The following CSMD3 variants were observed in gnomAD, a reference collection of about 807,000 sequenced individuals.
CSMD3 encodes CUB and sushi domain-containing protein 3.
A neutral mutation model predicts 435.2 loss-of-function variants in CSMD3; 177 were observed. The observed-to-expected ratio is 0.41, with a 90% confidence interval of 0.36 to 0.46. The LOEUF (loss-of-function observed/expected upper bound fraction) is 0.46, where lower values mean the gene tolerates loss of function less well. Among genes scored for constraint, CSMD3 ranks in the 20% least tolerant of loss-of-function variants. The pLI is 0.34. For synonymous variants in CSMD3, 1,656 were observed against 1,520.5 expected (o/e 1.09, Z -2.07); for missense variants, 4,265 against 4,504.6 (o/e 0.95, Z 1.52).
chr8:113,392,399 C>A (rs1252477753), intron 1 of CSMD3, among the ~76,000 whole-genome samples: 1 of 152,056 alleles, frequency 6.6e-6, no homozygotes, highest in African/African-American at 2.4e-5. Flanking sequence ...GATTCAGACA[C>A]AATTTAGCCT....
intron 16 of CSMD3, among the ~76,000 whole-genome samples, chr8:112,667,974 T>G (rs916231742): frequency 1.3e-5 from 2 of 152,190 alleles, no homozygotes; most frequent in African/African-American, 4.8e-5. Flanking sequence ...AATAACTTGA[T>G]GGAACCCAAA....
chr8:113,236,769 T>C (rs1432167767), intron 3 of CSMD3, among the ~76,000 whole-genome samples: 2 of 152,156 alleles, frequency 1.3e-5, no homozygotes, highest in African/African-American at 2.4e-5. Flanking sequence ...CCCTCTATAA[T>C]AGTGTGAGCC....
At chr8:112,668,908 G>C (rs1401480778) in intron 16 of CSMD3, among the ~76,000 whole-genome samples, 1 of 151,154 alleles carries the variant, frequency 6.6e-6, no homozygotes, top group African/African-American at 2.4e-5. Context: ...TAACATGCAG[G>C]AGAAAGGAGA....
chr8:113,311,527 G>T (rs529145267), intron 2 of CSMD3: 28 of 152,114 alleles, frequency 1.8e-4, no homozygotes, highest in African/African-American at 6.5e-4. Flanking sequence ...CTGGAAGAAA[G>T]AGAACAGCAA....
At chr8:113,279,273 A>C (rs2093595005) in intron 2 of CSMD3, among the ~76,000 whole-genome samples, 2 of 149,184 alleles carry the variant, frequency 1.3e-5, no homozygotes, top group Admixed American at 1.4e-4. Flanking sequence ...CAACTAGATC[A>C]AGTTCACAGA....
At chr8:113,001,773 A>G (rs971673015) in intron 6 of CSMD3, among the ~76,000 whole-genome samples, 2 of 152,192 alleles carry the variant, frequency 1.3e-5, no homozygotes, top group African/African-American at 4.8e-5. Flanking sequence ...TAATAAAATG[A>G]TGTTATTCGA....
intron 63 of CSMD3, among the ~76,000 whole-genome samples, chr8:112,250,908 T>C (rs1325386743): frequency 6.6e-6 from 1 of 151,842 alleles, no homozygotes; most frequent in African/African-American, 2.4e-5. Context: ...ACATCACTTA[T>C]GTTCTTTAAC....
chr8:112,787,158 A>C (rs2078565861), intron 13 of CSMD3, among the ~76,000 whole-genome samples: 1 of 152,120 alleles, frequency 6.6e-6, no homozygotes, highest in South Asian at 2.1e-4. Flanking sequence ...GTTGGTTCCA[A>C]GTCTTTGCTA....
intron 12 of CSMD3, among the ~76,000 whole-genome samples, chr8:112,822,695 G>C (rs903816672): frequency 1.3e-5 from 2 of 152,056 alleles, no homozygotes; most frequent in African/African-American, 4.8e-5. Flanking sequence ...CGGTGAGAGA[G>C]GGCATCCTTG....
chr8:112,409,010 A>G lies in CSMD3; in HGVS notation c.5418T>C (p.Phe1806=). 1 of 1,613,584 alleles carries G rather than the reference A, an allele frequency of 6.2e-7. No individual in the cohort carries two copies. The highest frequency in any genetic ancestry group is 1.1e-5 in the South Asian group (1 of 91,062). Reference sequence around the variant, plus strand: ...CAACATCGTGGAGTGATGTCTGGAAAAATACAAACTGGCCAAACACCACTG... The same window carrying G: ...CAACATCGTGGAGTGATGTCTGGAAGAATACAAACTGGCCAAACACCACTG... ...KEFVVFGQFV[F]FQTSLHDVVE... is the part of the protein sequence containing the mutation. Residue 1806 remains phenylalanine, a synonymous_variant, in exon 33 of 71, where the codon TTT becomes TTC. Transcript: ENST00000297405.
intron 70 of CSMD3, among the ~76,000 whole-genome samples, chr8:112,226,475 C>T (rs940087947): frequency 2.0e-5 from 3 of 151,996 alleles, no homozygotes; most frequent in Non-Finnish European, 4.4e-5. Flanking sequence ...TCATAAAACT[C>T]TTAGGAAAAA....
At chr8:112,930,713 A>G (rs956940683) in intron 9 of CSMD3, among the ~76,000 whole-genome samples, 11 of 152,116 alleles carry the variant, frequency 7.2e-5, no homozygotes, top group African/African-American at 2.7e-4. Context: ...TTAATGTCAT[A>G]GAAATTTGCA....
intron 4 of CSMD3, among the ~76,000 whole-genome samples, chr8:113,117,422 T>C (rs1045018594): frequency 6.6e-6 from 1 of 152,158 alleles, no homozygotes; most frequent in Non-Finnish European, 1.5e-5. Context: ...TCAGAGGGTA[T>C]ATGGCAACAC....
At chr8:112,943,256 A>AT (rs200185856) in intron 9 of CSMD3, among the ~76,000 whole-genome samples, 2,138 of 151,718 alleles carry the variant, frequency 0.014, 56 homozygotes, top group African/African-American at 0.05. Flanking sequence ...TAATTTGCAA[A>AT]TTTTTTTCCA....
chr8:112,503,318 A>G (rs1377063303), intron 30 of CSMD3, among the ~76,000 whole-genome samples: 2 of 152,192 alleles, frequency 1.3e-5, no homozygotes, highest in Non-Finnish European at 2.9e-5. Flanking sequence ...TCTGGGCTCA[A>G]GTAATCCTCC....
intron 1 of CSMD3, among the ~76,000 whole-genome samples, chr8:113,402,180 A>G (rs1436964631): frequency 6.6e-6 from 1 of 150,530 alleles, no homozygotes; most frequent in Non-Finnish European, 1.5e-5. Context: ...CTTTTATCTT[A>G]AATTTTTTAT....
chr8:113,215,481 A>C (rs1043036498), intron 3 of CSMD3, among the ~76,000 whole-genome samples: 14 of 151,626 alleles, frequency 9.2e-5, no homozygotes, highest in African/African-American at 3.1e-4. Context: ...GTGCCTTCAA[A>C]TTAATTGTAG....
At chr8:113,174,282 A>T (rs1487867553) in intron 3 of CSMD3, among the ~76,000 whole-genome samples, 1 of 152,186 alleles carries the variant, frequency 6.6e-6, no homozygotes, top group Non-Finnish European at 1.5e-5. Flanking sequence ...TCATTTCCTT[A>T]ATATTATCTT....
chr8:112,318,921 C>A lies in CSMD3; in HGVS notation c.7276G>T (p.Gly2426Ter). The change falls in exon 47 of 71, where the codon GGA becomes TGA. Residue 2426 changes from glycine (G) to a stop codon, truncating the protein, a stop_gained. Coordinates refer to ENST00000297405, the MANE Select transcript of CSMD3 (RefSeq NM_198123.2). LOFTEE classifies it high-confidence loss of function. ...ATTGCATTACCAACTAAAGTAAATC[C>A]TGGAAGACACTGATACCTAATAATA... ...GDIIRYQCLP[G>*]FTLVGNAILT... The A allele has an allele frequency of 6.2e-7, 1 of 1,611,034 alleles. No homozygotes were observed. The highest frequency in any genetic ancestry group is 8.5e-7 in the Non-Finnish European group (1 of 1,178,494).
Sources: allele counts gnomAD v4.1 joint callset (sites outside exome capture counted in the v4.1 genomes callset), GRCh38; gene constraint gnomAD v4.1.1; transcripts MANE v1.5; gene names NCBI Gene and HGNC (gene_info 2026-07-23, HGNC 2026-07-21).